The following PDXDC1 variants were observed in gnomAD, a reference collection of about 807,000 sequenced individuals.
PDXDC1 encodes pyridoxal-dependent decarboxylase domain-containing protein 1.
Under a neutral mutation model 100.1 loss-of-function variants are expected in PDXDC1, and 42 were observed. The observed-to-expected ratio is 0.42, with a 90% confidence interval of 0.33 to 0.54. PDXDC1 has a LOEUF of 0.54. Among genes scored for constraint, PDXDC1 ranks in the 20% least tolerant of loss-of-function variants. The pLI is 0.10. For synonymous variants in PDXDC1, 260 were observed against 371.7 expected, an observed-to-expected ratio of 0.70 and a Z score of 3.46; for missense variants, 636 against 979.2, an observed-to-expected ratio of 0.65 and a Z score of 4.68.
chr16:15,000,254 G>A (rs1972857847), intron 3 of PDXDC1, among the ~76,000 whole-genome samples: 1 of 152,284 alleles, frequency 6.6e-6, no homozygotes. Flanking sequence ...TTCACACTTA[G>A]GAGTGCTACC....
intron 16 of PDXDC1, chr16:15,135,161 A>T (rs1444060195): frequency 1.2e-6 from 1 of 846,612 alleles, no homozygotes; most frequent in Admixed American, 2.0e-5. Context: ...TAGAATTTGC[A>T]TCAGAAACAG....
intron 16 of PDXDC1, among the ~76,000 whole-genome samples, chr16:15,049,414 T>G (rs1004540417): frequency 3.3e-5 from 5 of 151,420 alleles, no homozygotes; most frequent in African/African-American, 1.2e-4. Flanking sequence ...TGTTCATCCC[T>G]GTGTTATTTC....
intron 8 of PDXDC1, among the ~76,000 whole-genome samples, chr16:15,010,071 G>A (rs1207848361): frequency 6.6e-6 from 1 of 152,216 alleles, no homozygotes; most frequent in Non-Finnish European, 1.5e-5. Flanking sequence ...TTTTGAGATA[G>A]AGTCTCACTC....
chr16:15,044,248 T>G, intron 16 of PDXDC1: 1 of 887,518 alleles, frequency 1.1e-6, no homozygotes, highest in Non-Finnish European at 1.8e-6. Flanking sequence ...TTCTTGGGTT[T>G]TGTACCAATT....
intron 12 of PDXDC1, among the ~76,000 whole-genome samples, chr16:15,020,442 G>A (rs1276941391): frequency 6.6e-6 from 1 of 152,388 alleles, no homozygotes; most frequent in East Asian, 1.9e-4. Context: ...TGTAATCCCA[G>A]CACTTTGGGA....
intron 1 of PDXDC1, chr16:14,988,529 G>C (rs1178321793): frequency 1.9e-6 from 3 of 1,613,718 alleles, no homozygotes; most frequent in Non-Finnish European, 2.5e-6. Context: ...GTGTCACCAT[G>C]ACCGAGAAGG....
downstream of PDXDC1, chr16:15,040,125 C>A: frequency 1.1e-6 from 1 of 935,518 alleles, no homozygotes; most frequent in Non-Finnish European, 1.7e-6. Flanking sequence ...AAAGTCTGCA[C>A]AGTCTTACAT....
intron 16 of PDXDC1, among the ~76,000 whole-genome samples, chr16:15,079,183 T>G (rs2045594885): frequency 6.6e-6 from 1 of 152,114 alleles, no homozygotes; most frequent in Non-Finnish European, 1.5e-5. Flanking sequence ...GTTGAAGGAT[T>G]CCTTTCCCTT....
At chr16:15,140,133 G>A (rs550363476), downstream of PDXDC1, among the ~76,000 whole-genome samples, 38 of 149,804 alleles carry the variant, frequency 2.5e-4, no homozygotes, top group Admixed American at 2.1e-3. Context: ...AGAAAGGGAG[G>A]AGAGAGAGAA....
intron 14 of PDXDC1, 91 bp downstream of exon 14, chr16:15,026,797 T>A: frequency 7.7e-7 from 1 of 1,297,336 alleles, no homozygotes; most frequent in Non-Finnish European, 1.1e-6. Flanking sequence ...CAAAATATTT[T>A]TATTGCTGAC....
chr16:15,128,226 G>C, intron 16 of PDXDC1: 2 of 1,611,190 alleles, frequency 1.2e-6, no homozygotes, highest in Non-Finnish European at 8.5e-7. Context: ...ACAGACCTTT[G>C]TCGTGCCACA....
intron 16 of PDXDC1, chr16:15,074,665 C>A: frequency 7.4e-7 from 1 of 1,355,664 alleles, no homozygotes; most frequent in Non-Finnish European, 1.0e-6. Context: ...TGGAAAATGC[C>A]CAGCACAAAG....
chr16:15,050,108 T>C (rs929711226), intron 16 of PDXDC1, among the ~76,000 whole-genome samples: 3 of 152,222 alleles, frequency 2.0e-5, no homozygotes, highest in African/African-American at 4.8e-5. Flanking sequence ...TAAGGCAAAT[T>C]TACGAAAGGT....
chr16:15,094,221 G>C (rs1356556934), intron 16 of PDXDC1: 9 of 1,592,448 alleles, frequency 5.7e-6, no homozygotes, highest in African/African-American at 5.4e-5. Context: ...GTGTGAAGCA[G>C]CGGTGCCGCC....
At chr16:15,092,371 G>C (rs544996984) in intron 16 of PDXDC1, 2 of 659,208 alleles carry the variant, frequency 3.0e-6, no homozygotes, top group East Asian at 5.5e-5. Flanking sequence ...TTGCACTGAC[G>C]GCATCATGCT....
At chr16:14,990,590 G>A (rs1970548491) in intron 1 of PDXDC1, among the ~76,000 whole-genome samples, 1 of 152,246 alleles carries the variant, frequency 6.6e-6, no homozygotes, top group Non-Finnish European at 1.5e-5. Flanking sequence ...TTTATATTTT[G>A]AATTATCCAA....
intron 16 of PDXDC1, chr16:15,135,102 T>C (rs2048286100): frequency 8.0e-6 from 5 of 626,432 alleles, no homozygotes; most frequent in South Asian, 7.1e-5. Context: ...TATGTGGAAC[T>C]GTGGCAGGTT....
At chr16:15,002,835 A>G (rs1973449099) in intron 4 of PDXDC1, among the ~76,000 whole-genome samples, 1 of 152,186 alleles carries the variant, frequency 6.6e-6, no homozygotes, top group Non-Finnish European at 1.5e-5. Context: ...AGGATCATTG[A>G]TAAGTGATAT....
intron 16 of PDXDC1, chr16:15,086,470 G>C (rs775503409): frequency 7.5e-6 from 12 of 1,609,738 alleles, no homozygotes; most frequent in East Asian, 4.5e-5. Context: ...GTTAAACAAA[G>C]AGTACTTTCA....
Sources: allele counts gnomAD v4.1 joint callset (sites outside exome capture counted in the v4.1 genomes callset), GRCh38; gene constraint gnomAD v4.1.1; transcripts MANE v1.5; gene names NCBI Gene and HGNC (gene_info 2026-07-23, HGNC 2026-07-21).